The following ACADM variants were observed in gnomAD, a reference collection of about 807,000 sequenced individuals.
ACADM encodes the protein medium-chain specific acyl-CoA dehydrogenase, mitochondrial.
ACADM carries 49 observed loss-of-function variants against 58.9 expected under a neutral mutation model. The observed-to-expected ratio is 0.83, with a 90% CI of 0.66 to 1.06. The LOEUF is 1.06. Among genes scored for constraint, ACADM ranks in the 50% least tolerant of loss-of-function variants. The probability of loss-of-function intolerance (pLI) is 0.00; values close to 1 mark genes in which losing one functional copy is unlikely to be tolerated. For synonymous variants in ACADM, 160 were observed against 157.7 expected (o/e 1.01, Z -0.11); for missense variants, 496 against 507.0 (o/e 0.98, Z 0.21).
chr1:75,757,251 T>C (rs1648559216), intron 10 of ACADM, among the ~76,000 whole-genome samples: 1 of 152,110 alleles, frequency 6.6e-6, no homozygotes, highest in Admixed American at 6.5e-5. Flanking sequence ...CAAAAGAAAC[T>C]ACCATCAGAG....
intron 10 of ACADM, among the ~76,000 whole-genome samples, chr1:75,753,400 G>A (rs1343101140): frequency 6.7e-6 from 1 of 149,826 alleles, no homozygotes; most frequent in East Asian, 1.9e-4. Flanking sequence ...AGAGATTTCT[G>A]TTTCTTTCCT....
chr1:75,750,686 T>C, intron 10 of ACADM, 140 bp downstream of exon 10: 1 of 715,936 alleles, frequency 1.4e-6, no homozygotes, highest in Non-Finnish European at 2.5e-6. Context: ...AAGATGAGTT[T>C]CAAAGACATT....
rs1647476974 is a variant in ACADM, at chr1:75,740,013, G to C, written c.502G>C (p.Asp168His). ...YCVTEPGAGSDVAGIKTKAEK... is the reference protein window; with the variant it reads ...YCVTEPGAGSHVAGIKTKAEK... ...TGTAACAGAACCTGGAGCAGGCTCT[G>C]ATGTAGCTGGTATAAAGACCAAAGC... Residue 168 changes from aspartate (D) to histidine (H), a missense_variant, in exon 7 of 12, where the codon GAT (aspartate) becomes CAT (histidine). By Grantham distance (81) the Asp-to-His change is moderately conservative (BLOSUM62 -1). Coordinates refer to ENST00000370841, the MANE Select transcript of ACADM (RefSeq NM_000016.6). 1.2e-6 allele frequency: 2 copies of C among 1,612,698 alleles called. No individual in the cohort carries two copies. The highest frequency in any genetic ancestry group is 1.3e-5 in the African/African-American group (1 of 74,892).
chr1:75,745,146 TAAC>T (rs762844967), intron 7 of ACADM, among the ~76,000 whole-genome samples: 13 of 152,048 alleles, frequency 8.5e-5, no homozygotes, highest in African/African-American at 2.9e-4. Context: ...AGCAAGAGAT[TAAC>T]AACAACTAAT....
rs1428129658 is a variant in ACADM, at chr1:75,761,347, A to G, written c.1171A>G (p.Met391Val). Residue 391 changes from methionine to valine, a missense_variant, in exon 11 of 12, where the codon ATG becomes GTG. By Grantham distance (21) the Met-to-Val change is conservative. Transcript: ENST00000370841. ...TACAGAATATCCTGTAGAAAAACTA[A>G]TGAGGGATGCCAAAATCTATCAGGT... ...FNTEYPVEKL[M>V]RDAKIYQIYE... 2.5e-6 allele frequency: 4 copies of G among 1,613,938 alleles called. No homozygotes were observed. Among genetic ancestry groups the G allele is most frequent in the Non-Finnish European group, 3.4e-6 (4 of 1,179,990 alleles).
chr1:75,727,931 C>T (rs1165548829), intron 1 of ACADM, among the ~76,000 whole-genome samples: 2 of 152,090 alleles, frequency 1.3e-5, no homozygotes, highest in Non-Finnish European at 1.5e-5. Context: ...ATGAGATCCT[C>T]TGAGGGGAAG....
chr1:75,736,159 T>TACACAGACATAC (rs1557447484), intron 6 of ACADM, among the ~76,000 whole-genome samples: 3 of 107,016 alleles, frequency 2.8e-5, no homozygotes, highest in African/African-American at 1.3e-4. Context: ...ACAAGATAAA[T>TACACAGACATAC]ACACACACAG....
chr1:75,728,810 A>C (rs1647097563), intron 2 of ACADM, among the ~76,000 whole-genome samples: 1 of 152,214 alleles, frequency 6.6e-6, no homozygotes, highest in African/African-American at 2.4e-5. Flanking sequence ...TCTGAATGCC[A>C]CAAATACATT....
chr1:75,726,515 C>T (rs1315758689), intron 1 of ACADM, among the ~76,000 whole-genome samples: 2 of 152,088 alleles, frequency 1.3e-5, no homozygotes, highest in African/African-American at 4.8e-5. Context: ...AACCTAGTGA[C>T]CAATTAGGAT....
At chr1:75,737,294 A>ATG (rs1647315082) in intron 6 of ACADM, among the ~76,000 whole-genome samples, 2 of 90,006 alleles carry the variant, frequency 2.2e-5, no homozygotes, top group African/African-American at 8.2e-5. Context: ...ATATATATAT[A>ATG]TATATATATA....
intron 4 of ACADM, 198 bp downstream of exon 4, chr1:75,733,120 G>A (rs1291188400): frequency 6.2e-7 from 1 of 1,612,726 alleles, no homozygotes; most frequent in South Asian, 1.1e-5. Flanking sequence ...CTTCTAACTG[G>A]TTCCAACCTT....
At chr1:75,736,167 C>CAT (rs1647255397) in intron 6 of ACADM, among the ~76,000 whole-genome samples, 1 of 91,766 alleles carries the variant, frequency 1.1e-5, no homozygotes, top group South Asian at 4.6e-4. Flanking sequence ...AATACACACA[C>CAT]AGACATACAC....
At chr1:75,740,855 T>C (rs1007124664) in intron 7 of ACADM, among the ~76,000 whole-genome samples, 2 of 152,194 alleles carry the variant, frequency 1.3e-5, no homozygotes, top group Non-Finnish European at 2.9e-5. Context: ...TCTAGAAGCA[T>C]GTAAGTATCT....
At chr1:75,754,823 C>G (rs1308209516) in intron 10 of ACADM, 4 of 152,360 alleles carry the variant, frequency 2.6e-5, no homozygotes, top group Non-Finnish European at 4.4e-5. Context: ...TCACCTCACC[C>G]AGGAAGCGCA....
chr1:75,724,752 T>C lies in ACADM; in HGVS notation c.-36T>C. The C allele has an allele frequency of 1.3e-6, 2 of 1,537,368 alleles. No homozygotes were observed. The highest frequency in any genetic ancestry group is 1.8e-6 in the Non-Finnish European group (2 of 1,141,218). On this transcript the variant is annotated 5_prime_UTR_variant, in exon 1 of 12. Transcript: ENST00000370841. Reference sequence around the variant, plus strand: ...GGGAGTATGTCAAGGCCGTGACCCGTGTATTATTGTCCGAGTGGCCGGAAC... The same window carrying C: ...GGGAGTATGTCAAGGCCGTGACCCGCGTATTATTGTCCGAGTGGCCGGAAC...
At chr1:75,735,983 C>CTAAA (rs924300653) in intron 6 of ACADM, among the ~76,000 whole-genome samples, 1 of 151,694 alleles carries the variant, frequency 6.6e-6, no homozygotes, top group African/African-American at 2.4e-5. Flanking sequence ...GACCCTGTCT[C>CTAAA]TAAATAAATA....
At chr1:75,750,381 A>G in intron 9 of ACADM, 70 bp from the exon 10 acceptor site, 2 of 1,269,296 alleles carry the variant, frequency 1.6e-6, no homozygotes, top group South Asian at 2.5e-5. Flanking sequence ...CCTAACATAG[A>G]CACTTAGGCA....
chr1:75,733,437 G>T (rs1647186260), intron 4 of ACADM, 91 bp from the exon 5 acceptor site: 3 of 1,261,990 alleles, frequency 2.4e-6, no homozygotes, highest in Non-Finnish European at 3.5e-6. Flanking sequence ...AACAAATTTT[G>T]GTCATATTGA....
intron 4 of ACADM, 63 bp from the exon 5 acceptor site, chr1:75,733,465 T>C (rs1011411060): frequency 1.1e-4 from 162 of 1,456,928 alleles, no homozygotes; most frequent in Non-Finnish European, 1.5e-4. Flanking sequence ...TAAAATAGTT[T>C]ACCTTTATTT....
Sources: gnomAD v4.1 joint callset for allele counts (sites outside exome capture counted in the v4.1 genomes callset) on GRCh38, gnomAD v4.1.1 for gene constraint, MANE v1.5 for transcripts, NCBI Gene and HGNC (gene_info 2026-07-23, HGNC 2026-07-21) for gene names.